Variants in FARP2 observed in about 807,000 individuals in gnomAD.
FARP2 encodes the protein FERM, ARHGEF and pleckstrin domain-containing protein 2.
A neutral mutation model predicts 130.5 loss-of-function variants in FARP2; 111 were observed. That is an observed-to-expected ratio of 0.85 (90% CI 0.73 to 1.00). The LOEUF (loss-of-function observed/expected upper bound fraction) is 1.00, where lower values mean the gene tolerates loss of function less well. Among genes scored for constraint, FARP2 ranks in the 50% least tolerant of loss-of-function variants. FARP2 has a pLI of 0.00. For synonymous variants in FARP2, 504 were observed against 516.9 expected (o/e 0.98, Z 0.34); for missense variants, 1,385 against 1,346.3 (o/e 1.03, Z -0.45).
Position 241,460,673 on chromosome 2 carries a change from T to C in FARP2, c.1588-1850T>C, listed in dbSNP as rs905743040. ...GATAAAAAAGTCATTTTTAATATCA[T>C]GAAGCTCAAAAAGAAAAAATAGAAA... On this transcript the variant is annotated intron_variant, in intron 14 of 26. Transcript: ENST00000264042. 2.7e-5 allele frequency among the ~76,000 whole-genome samples: 4 copies of C among 148,070 alleles called. No homozygotes were observed. The South Asian group carries it at 8.8e-4, about 32-fold the overall frequency.
chr2:241,380,037 G>T (rs914951977), intron 2 of FARP2, among the ~76,000 whole-genome samples: 13 of 152,304 alleles, frequency 8.5e-5, no homozygotes, highest in Admixed American at 1.3e-4. Flanking sequence ...ACACAAGCAA[G>T]GTTGGTAAGT....
At chr2:241,477,793 A>C (rs529685566) in intron 19 of FARP2, 1 of 152,534 alleles carries the variant, frequency 6.6e-6, no homozygotes, top group African/African-American at 2.4e-5. Context: ...TACAATTTGT[A>C]TTTCCCTGAT....
At chr2:241,467,286 ATAGTT>A (rs1273662814) in intron 17 of FARP2, among the ~76,000 whole-genome samples, 3 of 152,104 alleles carry the variant, frequency 2.0e-5, no homozygotes, top group African/African-American at 7.2e-5. Context: ...AAGTTAGAGA[ATAGTT>A]TAGTTTAATA....
Position 241,411,068 on chromosome 2 carries a change from T to C in FARP2, c.446T>C (p.Leu149Pro). 1 of 1,612,364 alleles carries C rather than the reference T, an allele frequency of 6.2e-7. No homozygotes were observed. The highest frequency in any genetic ancestry group is 8.5e-7 in the Non-Finnish European group (1 of 1,179,146). The change falls in exon 6 of 27, where the codon CTG (leucine) becomes CCG (proline). Residue 149 changes from leucine to proline, a missense_variant. Transcript: ENST00000264042. ...LFALQLKRDL[L>P]EERLTCADTT... ...GCCTTGCAACTTAAGAGAGACCTGC[T>C]GGAAGAGCGTTTGACCTGTGCTGAC...
intron 13 of FARP2, chr2:241,442,052 C>A: frequency 2.8e-6 from 1 of 362,178 alleles, no homozygotes; most frequent in South Asian, 2.1e-5. Context: ...AATGGGAACG[C>A]ACACCCCTCA....
At chr2:241,389,535 T>C (rs1343209909) in intron 2 of FARP2, among the ~76,000 whole-genome samples, 1 of 152,210 alleles carries the variant, frequency 6.6e-6, no homozygotes, top group Non-Finnish European at 1.5e-5. Context: ...GTGTATTTAT[T>C]ATAGCAGCCT....
chr2:241,431,040 A>G (rs1470269268), intron 8 of FARP2, among the ~76,000 whole-genome samples: 1 of 151,884 alleles, frequency 6.6e-6, no homozygotes, highest in Admixed American at 6.6e-5. Flanking sequence ...TTCCACTTCT[A>G]ATTTTCCATT....
At chr2:241,458,810 A>C (rs1345967187) in intron 14 of FARP2, among the ~76,000 whole-genome samples, 4 of 152,244 alleles carry the variant, frequency 2.6e-5, no homozygotes, top group Non-Finnish European at 4.4e-5. Flanking sequence ...ATCTGAGGAT[A>C]ATTGGGCTGG....
At chr2:241,381,479 C>A (rs528116901) in intron 2 of FARP2, among the ~76,000 whole-genome samples, 2 of 152,130 alleles carry the variant, frequency 1.3e-5, no homozygotes, top group Admixed American at 1.3e-4. Flanking sequence ...TTCTTTCTCA[C>A]CCTCATTTCT....
chr2:241,416,171 G>A (rs2062664908), intron 7 of FARP2, among the ~76,000 whole-genome samples: 1 of 152,044 alleles, frequency 6.6e-6, no homozygotes, highest in African/African-American at 2.4e-5. Context: ...TGTGTACATT[G>A]TATACTGTGG....
intron 8 of FARP2, among the ~76,000 whole-genome samples, chr2:241,424,100 G>A (rs2062873283): frequency 6.6e-6 from 1 of 152,086 alleles, no homozygotes; most frequent in Admixed American, 6.6e-5. Context: ...ACTCAGCCCT[G>A]GATAAAGTGA....
intron 2 of FARP2, among the ~76,000 whole-genome samples, chr2:241,389,145 G>A (rs774253705): frequency 6.6e-6 from 1 of 152,064 alleles, no homozygotes; most frequent in Non-Finnish European, 1.5e-5. Flanking sequence ...GCTGGGCATT[G>A]TGGTGGGTGC....
At chr2:241,378,414 C>CTGTTTTTTTTT (rs1249648296) in intron 2 of FARP2, among the ~76,000 whole-genome samples, 1 of 32,476 alleles carries the variant, frequency 3.1e-5, no homozygotes, top group African/African-American at 1.0e-4. Flanking sequence ...CATGCCTGGC[C>CTGTTTTTTTTT]TATTTTTTTT....
At chr2:241,467,534 C>T (rs1038279620) in intron 17 of FARP2, among the ~76,000 whole-genome samples, 7 of 150,360 alleles carry the variant, frequency 4.7e-5, no homozygotes, top group Non-Finnish European at 1.0e-4. Context: ...CCTGTTCTTG[C>T]GGGGGGCTAA....
chr2:241,478,393 C>T (rs17453555), intron 19 of FARP2: 40,908 of 237,792 alleles, frequency 0.17, 3,947 homozygotes, highest in Middle Eastern at 0.24. Context: ...CAGTGCAAGA[C>T]TCAGAGTGCC....
At chr2:241,466,699 C>A in intron 17 of FARP2, 3 of 641,156 alleles carry the variant, frequency 4.7e-6, no homozygotes, top group African/African-American at 2.0e-5. Flanking sequence ...ACCCCCCCCC[C>A]CACCACCACC....
chr2:241,458,397 T>C (rs1406209280), intron 14 of FARP2, among the ~76,000 whole-genome samples: 2 of 152,160 alleles, frequency 1.3e-5, no homozygotes, highest in Non-Finnish European at 2.9e-5. Flanking sequence ...GCCTTCCAGA[T>C]GCCAGGGCTA....
intron 6 of FARP2, among the ~76,000 whole-genome samples, chr2:241,412,775 C>T (rs537410739): frequency 6.6e-6 from 1 of 152,200 alleles, no homozygotes; most frequent in Admixed American, 6.5e-5. Context: ...GCCTATATTC[C>T]CAGCACATTT....
chr2:241,438,047 G>A (rs1018533842), intron 12 of FARP2, among the ~76,000 whole-genome samples: 1 of 152,196 alleles, frequency 6.6e-6, no homozygotes, highest in Non-Finnish European at 1.5e-5. Flanking sequence ...GGCCTCAAGT[G>A]ATACGCCTGC....
Sources: allele counts gnomAD v4.1 joint callset (sites outside exome capture counted in the v4.1 genomes callset), GRCh38; gene constraint gnomAD v4.1.1; transcripts MANE v1.5; gene names NCBI Gene and HGNC (gene_info 2026-07-23, HGNC 2026-07-21).